The following ERG variants were observed in gnomAD, a reference collection of about 807,000 sequenced individuals.
ERG encodes the protein transcriptional regulator ERG.
In ERG, 9 loss-of-function variants were observed where a neutral mutation model predicts 55.3. That is an observed-to-expected ratio of 0.16 (90% CI 0.10 to 0.28). The LOEUF is 0.28. Ranked by LOEUF, ERG falls within the 10% of genes least tolerant of loss-of-function variation. ERG has a pLI of 1.00. For synonymous variants in ERG, 223 were observed against 237.3 expected, an observed-to-expected ratio of 0.94 and a Z score of 0.55; for missense variants, 434 against 631.6, an observed-to-expected ratio of 0.69 and a Z score of 3.35.
chr21:38,440,261 G>A (rs2058827571), intron 2 of ERG, among the ~76,000 whole-genome samples: 1 of 152,244 alleles, frequency 6.6e-6, no homozygotes, highest in African/African-American at 2.4e-5. Context: ...TTCCGAGTCT[G>A]GAAGGATGCA....
At chr21:38,491,640 T>A (rs2059337032) in intron 1 of ERG, among the ~76,000 whole-genome samples, 1 of 152,262 alleles carries the variant, frequency 6.6e-6, no homozygotes, top group South Asian at 2.1e-4. Context: ...TCTCTGTACT[T>A]ATCTGTGTAC....
At chr21:38,545,912 C>T (rs531009312) in intron 2 of ERG, among the ~76,000 whole-genome samples, 10 of 152,318 alleles carry the variant, frequency 6.6e-5, no homozygotes, top group Admixed American at 2.0e-4. Context: ...TCAAAGATTG[C>T]GAACCAAATC....
At chr21:38,387,134 T>C (rs1160259026) in intron 9 of ERG, among the ~76,000 whole-genome samples, 1 of 151,572 alleles carries the variant, frequency 6.6e-6, no homozygotes, top group Non-Finnish European at 1.5e-5. Context: ...GCAGAGTGAG[T>C]CAGCAGCTGT....
At chr21:38,462,904 G>A (rs1411850297) in intron 1 of ERG, among the ~76,000 whole-genome samples, 3 of 152,190 alleles carry the variant, frequency 2.0e-5, no homozygotes, top group African/African-American at 7.2e-5. Context: ...CTGTAAAGCG[G>A]ACCAGGAAAT....
chr21:38,597,789 T>C (rs993592857), intron 1 of ERG, among the ~76,000 whole-genome samples: 1 of 152,160 alleles, frequency 6.6e-6, no homozygotes, highest in African/African-American at 2.4e-5. Context: ...ACTGGGCAAA[T>C]TGAATGTGCA....
chr21:38,621,842 C>T (rs466939), intron 1 of ERG, among the ~76,000 whole-genome samples: 1 of 152,184 alleles, frequency 6.6e-6, no homozygotes, highest in East Asian at 1.9e-4. Flanking sequence ...TACTTAGATG[C>T]TCCCCTGAGT....
chr21:38,468,126 G>C (rs2059106493), intron 1 of ERG, among the ~76,000 whole-genome samples: 1 of 152,164 alleles, frequency 6.6e-6, no homozygotes, highest in Non-Finnish European at 1.5e-5. Context: ...AAAGGGCTGT[G>C]GTGGAGAGCC....
At chr21:38,541,309 A>G (rs1027449805) in intron 2 of ERG, among the ~76,000 whole-genome samples, 9 of 152,186 alleles carry the variant, frequency 5.9e-5, no homozygotes, top group African/African-American at 2.2e-4. Context: ...CTGAGCAAAA[A>G]TCCCCTCAAT....
In ERG at chr21:38,580,945, G is replaced by C. The variant is rs564026315; in HGVS notation, c.-127+3899C>G. 7.2e-5 allele frequency among the ~76,000 whole-genome samples: 11 copies of C among 152,306 alleles called. 1 individual carries two copies. In the South Asian group the frequency reaches 2.3e-3, roughly 32 times the overall value. On this transcript the variant is annotated intron_variant, in intron 1 of 8. Coordinates refer to the ERG transcript ENST00000398897. ...CTTCTCAAACCCAATTGTGTTCTGC[G>C]GGTTAGGGGATGCATATAGTCACGT...
At chr21:38,535,100 G>A (rs1323337734) in intron 2 of ERG, among the ~76,000 whole-genome samples, 2 of 151,802 alleles carry the variant, frequency 1.3e-5, no homozygotes, top group Admixed American at 6.6e-5. Flanking sequence ...TTTCCCTAAG[G>A]CTCTCCCACC....
chr21:38,438,246 G>A (rs775234048), intron 2 of ERG, among the ~76,000 whole-genome samples: 4 of 152,084 alleles, frequency 2.6e-5, no homozygotes, highest in Admixed American at 6.6e-5. Context: ...TCCGCTTCAC[G>A]TCTTTATTTT....
the ERG span, among the ~76,000 whole-genome samples, chr21:38,374,825 T>C: frequency 6.6e-6 from 1 of 152,338 alleles, no homozygotes; most frequent in East Asian, 1.9e-4. Context: ...GGCCTTATAT[T>C]GTTTTTTAAA....
At chr21:38,523,385 A>G (rs1204511152) in intron 2 of ERG, among the ~76,000 whole-genome samples, 1 of 152,204 alleles carries the variant, frequency 6.6e-6, no homozygotes, top group African/African-American at 2.4e-5. Context: ...GATATATCTT[A>G]TATAACACCA....
At chr21:38,389,699 C>T (rs1208933292) in intron 9 of ERG, among the ~76,000 whole-genome samples, 1 of 151,312 alleles carries the variant, frequency 6.6e-6, no homozygotes, top group Non-Finnish European at 1.5e-5. Context: ...AATGTTGTAA[C>T]TACCTGTGTC....
chr21:38,445,435 C>T lies in ERG; in HGVS notation c.205G>A (p.Glu69Lys). The change falls in exon 2 of 10, where the codon GAA becomes AAA. Residue 69 changes from glutamate (E) to lysine (K), a missense_variant. Around this residue, in one of 5 missense-constraint regions of ERG, gnomAD observed 212 missense variants for 262.9 expected, o/e 0.81. Coordinates refer to ENST00000288319, the MANE Select transcript of ERG (RefSeq NM_182918.4). ...QPPARVTIKM[E>K]CNPSQVNGSR... is the part of the protein sequence containing the mutation. The stretch of plus-strand genomic sequence containing the variant: ...CCATTCACCTGGCTAGGGTTACATT[C>T]CATTTTGATGGTGACCCTGGCTGGG... 5 of 1,614,182 alleles carry T rather than the reference C, an allele frequency of 3.1e-6. No individual in the cohort carries two copies. The highest frequency in any genetic ancestry group is 4.2e-6 in the Non-Finnish European group (5 of 1,180,036).
intron 7 of ERG, 146 bp downstream of exon 7, chr21:38,392,230 G>A (rs1182442819): frequency 1.3e-6 from 1 of 747,292 alleles, no homozygotes. Context: ...TGCAGTGAAA[G>A]ATCAATTGTA....
the ERG span, among the ~76,000 whole-genome samples, chr21:38,368,258 C>G: frequency 6.6e-6 from 1 of 151,822 alleles, no homozygotes; most frequent in African/African-American, 2.4e-5. Context: ...GTTTGTTTTG[C>G]TTTTTTCACT....
At chr21:38,517,349 T>C (rs1164937486) in intron 2 of ERG, among the ~76,000 whole-genome samples, 6 of 151,472 alleles carry the variant, frequency 4.0e-5, no homozygotes, top group Non-Finnish European at 8.8e-5. Context: ...ATCAAGCATA[T>C]GAAAAAAAAT....
intron 2 of ERG, among the ~76,000 whole-genome samples, chr21:38,549,263 A>G (rs530056550): frequency 2.0e-5 from 3 of 152,310 alleles, no homozygotes; most frequent in African/African-American, 7.2e-5. Flanking sequence ...GTGATAAATC[A>G]TCATACTAAA....
Sources: allele counts gnomAD v4.1 joint callset (sites outside exome capture counted in the v4.1 genomes callset), GRCh38; gene constraint gnomAD v4.1.1; regional missense constraint gnomAD v4.1.1; transcripts MANE v1.5; gene names NCBI Gene and HGNC (gene_info 2026-07-23, HGNC 2026-07-21).